The following SLC25A15 variants were observed in gnomAD, a reference collection of about 807,000 sequenced individuals.
The protein encoded by SLC25A15 is mitochondrial ornithine transporter 1.
SLC25A15 carries 24 observed loss-of-function variants against 32.3 expected under a neutral mutation model. The ratio of observed to expected loss-of-function variants is 0.74; its 90% CI spans 0.54 to 1.04. The LOEUF is 1.04. Ranked by LOEUF, SLC25A15 falls within the 50% of genes least tolerant of loss-of-function variation. SLC25A15 has a pLI of 0.00. For missense variants in SLC25A15, 317 were observed against 374.5 expected, an observed-to-expected ratio of 0.85 and a Z score of 1.27; for synonymous variants, 132 against 142.1, an observed-to-expected ratio of 0.93 and a Z score of 0.51.
intron 2 of SLC25A15, among the ~76,000 whole-genome samples, chr13:40,797,915 A>G (rs1334884330): frequency 6.6e-6 from 1 of 152,164 alleles, no homozygotes; most frequent in East Asian, 1.9e-4. Context: ...CACGACGCCA[A>G]CCCTACTACA....
chr13:40,808,110 C>T (rs985612622), intron 5 of SLC25A15, among the ~76,000 whole-genome samples: 5 of 152,190 alleles, frequency 3.3e-5, no homozygotes, highest in African/African-American at 1.2e-4. Context: ...CCTGTCTTCT[C>T]CCCACTGTAG....
intron 2 of SLC25A15, among the ~76,000 whole-genome samples, chr13:40,794,789 C>A (rs750686109): frequency 1.3e-5 from 2 of 151,966 alleles, no homozygotes; most frequent in Non-Finnish European, 2.9e-5. Flanking sequence ...ATCCAGCACA[C>A]CCCCCACCCC....
In SLC25A15 at chr13:40,809,745, C is replaced by T. The variant is rs1882368921; in HGVS notation, c.*78C>T. 5.4e-6 allele frequency: 8 copies of T among 1,493,556 alleles called. 1 individual carries two copies. The South Asian group carries it at 5.7e-5, about 11-fold the overall frequency. The allele number at this position is 1,493,556 out of a possible 1,614,324, so 92.5% of individuals were successfully genotyped here. A position where few individuals can be genotyped will look rare whatever the true frequency, so the allele number is the denominator to read the frequency against. ...CTCAGGGTTTCTTGGAGTACAAGAC[C>T]AGTGTGAAGTTATTCTGATTTCTTG... On this transcript the variant is annotated 3_prime_UTR_variant, in exon 7 of 7. Coordinates refer to ENST00000338625, the MANE Select transcript of SLC25A15 (RefSeq NM_014252.4).
Position 40,809,666 on chromosome 13 carries a change from G to T in SLC25A15, c.905G>T (p.Ter302LeuextTer32). ...ATGATGAACCAGTTGGAAGCATACTGAAGTGTCTTGGTGGGCCTGAGCCAA... is the reference window on the plus strand; with the variant it reads ...ATGATGAACCAGTTGGAAGCATACTTAAGTGTCTTGGTGGGCCTGAGCCAA... ...KLMMNQLEAY[*>L] The change falls in exon 7 of 7, where the codon TGA becomes TTA. Residue 302 changes from the stop codon to leucine, a stop_lost. Transcript: ENST00000338625. The T allele has an allele frequency of 6.2e-7, 1 of 1,613,338 alleles. No homozygotes were observed. The highest frequency in any genetic ancestry group is 8.5e-7 in the Non-Finnish European group (1 of 1,179,882).
chr13:40,799,040 A>G lies in SLC25A15; in HGVS notation c.56-17A>G, dbSNP rs756292519. 1.9e-6 allele frequency: 3 copies of G among 1,614,218 alleles called. No homozygotes were observed. The highest frequency in any genetic ancestry group is 2.2e-5 in the South Asian group (2 of 91,082). On this transcript the variant is annotated splice_polypyrimidine_tract_variant and intron_variant, in intron 2 of 6. Transcript: ENST00000338625. ...ACTGTAGCCTCGTACTAGAGCAGTC[A>G]TCTGTCCTGATTGCAGGAGGTACAG...
In SLC25A15 at chr13:40,811,639, G is replaced by A. The variant is rs544095405; in HGVS notation, c.*1972G>A. ...TGGACAGCTGTTCTTTGGCCATATG[G>A]TATAAGAGGATCATTCTTGTCACTA... On this transcript the variant is annotated 3_prime_UTR_variant, in exon 7 of 7. Coordinates refer to ENST00000338625, the MANE Select transcript of SLC25A15 (RefSeq NM_014252.4). Among the ~76,000 whole-genome samples the A allele has an allele frequency of 2.6e-5, 4 of 152,270 alleles. No homozygotes were observed. Among genetic ancestry groups the A allele is most frequent in the Admixed American group, 2.6e-4 (4 of 15,310 alleles).
At chr13:40,798,997 C>T in intron 2 of SLC25A15, 60 bp from the exon 3 acceptor site, 3 of 1,613,700 alleles carry the variant, frequency 1.9e-6, no homozygotes, top group Non-Finnish European at 2.5e-6. Context: ...CCTGTGCCTT[C>T]CTTCCATGGA....
chr13:40,789,772 C>G (rs1470849458), intron 1 of SLC25A15, 109 bp downstream of exon 1: 2 of 152,184 alleles, frequency 1.3e-5, no homozygotes, highest in Non-Finnish European at 2.9e-5. Context: ...GTGACCTTCC[C>G]GAGCGGCGGG....
rs2282021 is a variant in SLC25A15 at position 40,800,008 on chromosome 13, A to T, written c.314+693A>T. On this transcript the variant is annotated intron_variant, in intron 3 of 6. Transcript: ENST00000338625. ...TATTTATTATATAGAGACTAAACAG[A>T]ATTTGGAAACCACTGGGATGTTTAG... Among the ~76,000 whole-genome samples the T allele has an allele frequency of 7.2e-5, 11 of 152,336 alleles. No homozygotes were observed. In the East Asian group the frequency reaches 2.1e-3, roughly 29 times the overall value.
At chr13:40,799,738 G>A (rs1881809243) in intron 3 of SLC25A15, among the ~76,000 whole-genome samples, 1 of 152,202 alleles carries the variant, frequency 6.6e-6, no homozygotes, top group African/African-American at 2.4e-5. Flanking sequence ...AGATGCAGCT[G>A]GCAGTGCTAC....
rs1488329520 is a variant in SLC25A15 at position 40,802,661 on chromosome 13, G to A, written c.315-2457G>A. On this transcript the variant is annotated intron_variant, in intron 3 of 6. Coordinates refer to ENST00000338625, the MANE Select transcript of SLC25A15 (RefSeq NM_014252.4). ...CGCAATCTTAACTCATTGCAACCTC[G>A]CCTCCCCAGTTCAAGCAATTCTCCT... Among the ~76,000 whole-genome samples the A allele has an allele frequency of 3.4e-5, 5 of 149,246 alleles. No homozygotes were observed. In the East Asian group the frequency reaches 5.9e-4, roughly 18 times the overall value.
At chr13:40,791,364 A>ATT (rs1426008130) in intron 1 of SLC25A15, among the ~76,000 whole-genome samples, 1 of 127,902 alleles carries the variant, frequency 7.8e-6, no homozygotes, top group Admixed American at 7.7e-5. Context: ...TATTATTATT[A>ATT]TTTTTTTTTT....
rs1360586910 is a variant in SLC25A15, at chr13:40,793,247, C to T, written c.21C>T (p.Ile7=). 2 of 1,614,108 alleles carry T rather than the reference C, an allele frequency of 1.2e-6. No individual in the cohort carries two copies. Among genetic ancestry groups the T allele is most frequent in the Non-Finnish European group, 1.7e-6 (2 of 1,179,996 alleles). Residue 7 remains isoleucine (I), a synonymous_variant, in exon 2 of 7, where the codon ATC becomes ATT. Coordinates refer to ENST00000338625, the MANE Select transcript of SLC25A15 (RefSeq NM_014252.4). MKSNPA[I]QAAIDLTAGA... The stretch of plus-strand genomic sequence containing the variant: ...CAAACATGAAATCCAATCCTGCTAT[C>T]CAGGCTGCCATTGACCTCACAGCGG...
chr13:40,790,470 C>T (rs1192749262), intron 1 of SLC25A15, among the ~76,000 whole-genome samples: 1 of 152,236 alleles, frequency 6.6e-6, no homozygotes, highest in Admixed American at 6.5e-5. Flanking sequence ...CCTGTGTCTT[C>T]TCCAAGCCAG....
In SLC25A15 at chr13:40,804,769, C is replaced by T. The variant is rs530597333; in HGVS notation, c.315-349C>T. ...GTTTCACCATGTTAGCCAGGATGGTCTCGATCTCCTGACTTCGTGATCCGC... is the reference window on the plus strand; with the variant it reads ...GTTTCACCATGTTAGCCAGGATGGTTTCGATCTCCTGACTTCGTGATCCGC... On this transcript the variant is annotated intron_variant, in intron 3 of 6. Coordinates refer to ENST00000338625, the MANE Select transcript of SLC25A15 (RefSeq NM_014252.4). Among the ~76,000 whole-genome samples the T allele has an allele frequency of 3.3e-5, 5 of 150,424 alleles. No individual in the cohort carries two copies. The East Asian group carries it at 9.8e-4, about 30-fold the overall frequency.
chr13:40,800,263 G>C (rs976899214), intron 3 of SLC25A15, among the ~76,000 whole-genome samples: 1 of 152,096 alleles, frequency 6.6e-6, no homozygotes, highest in African/African-American at 2.4e-5. Flanking sequence ...ATGATGGGTA[G>C]AGCTTGTTTT....
intron 4 of SLC25A15, among the ~76,000 whole-genome samples, chr13:40,806,745 CA>C (rs774343088): frequency 2.6e-5 from 4 of 152,200 alleles, no homozygotes; most frequent in Non-Finnish European, 5.9e-5. Flanking sequence ...CTGTTCTTAG[CA>C]GGGATAAACC....
intron 3 of SLC25A15, among the ~76,000 whole-genome samples, chr13:40,802,624 G>T (rs1881941545): frequency 6.7e-6 from 1 of 149,656 alleles, no homozygotes; most frequent in Admixed American, 6.7e-5. Context: ...CGCCCAGGCT[G>T]GAGTGCAGTG....
intron 5 of SLC25A15, among the ~76,000 whole-genome samples, chr13:40,807,709 A>T (rs921764392): frequency 6.6e-6 from 1 of 152,236 alleles, no homozygotes; most frequent in African/African-American, 2.4e-5. Flanking sequence ...TTACTGGAAT[A>T]AAGTTTTTTA....
Sources: allele counts gnomAD v4.1 joint callset (sites outside exome capture counted in the v4.1 genomes callset), GRCh38; gene constraint gnomAD v4.1.1; transcripts MANE v1.5; gene names NCBI Gene and HGNC (gene_info 2026-07-23, HGNC 2026-07-21).